The following TMEM150B variants were observed in gnomAD, a reference collection of about 807,000 sequenced individuals.
TMEM150B encodes the protein modulator of macroautophagy TMEM150B.
Under a neutral mutation model 25.2 loss-of-function variants are expected in TMEM150B, and 33 were observed. The ratio of observed to expected loss-of-function variants is 1.31; its 90% CI spans 0.99 to 1.75. TMEM150B has a LOEUF of 1.75. TMEM150B is among the 40% of genes most tolerant of loss of function. The pLI, the probability that TMEM150B is intolerant of heterozygous loss-of-function variation, is 0.00. For synonymous variants in TMEM150B, 133 were observed against 134.8 expected, an observed-to-expected ratio of 0.99 and a Z score of 0.09; for missense variants, 322 against 306.1, an observed-to-expected ratio of 1.05 and a Z score of -0.39.
chr19:55,319,313 G>A (rs1369859252), intron 6 of TMEM150B, among the ~76,000 whole-genome samples: 2 of 150,590 alleles, frequency 1.3e-5, no homozygotes, highest in South Asian at 2.1e-4. Context: ...GGGTTTTACC[G>A]TGTTGGCCAG....
intron 1 of TMEM150B, chr19:55,324,751 C>G (rs2089292103): frequency 1.0e-6 from 1 of 985,376 alleles, no homozygotes; most frequent in Non-Finnish European, 1.2e-6. Context: ...ACCCCTTCTG[C>G]TGCCAAATGC....
chr19:55,314,615 A>G (rs2088935312), intron 7 of TMEM150B, among the ~76,000 whole-genome samples: 1 of 152,022 alleles, frequency 6.6e-6, no homozygotes, highest in Admixed American at 6.6e-5. Context: ...ACCCCACCCA[A>G]GAGACTACTG....
chr19:55,312,114 C>T (rs1031400818), downstream of TMEM150B: 7 of 830,046 alleles, frequency 8.4e-6, no homozygotes, highest in African/African-American at 7.2e-5. Context: ...ACCCCCCTTC[C>T]GTGCCCCCCA....
At position 55,312,849 on chromosome 19, in the gene TMEM150B, A is replaced by C; in HGVS notation, c.*10T>G. On this transcript the variant is annotated 3_prime_UTR_variant, in exon 8 of 8. Transcript: ENST00000326652. The stretch of plus-strand genomic sequence containing the variant: ...CACTGGTGAGGGCAAGGCCCGGGTC[A>C]GGGTGCCTGCTACAGCTGGACCGGC... 1.3e-6 allele frequency: 2 copies of C among 1,573,942 alleles called. No individual in the cohort carries two copies. Among genetic ancestry groups the C allele is most frequent in the Non-Finnish European group, 1.7e-6 (2 of 1,161,180 alleles).
chr19:55,314,564 C>G (rs376449394), intron 7 of TMEM150B, among the ~76,000 whole-genome samples: 4 of 152,134 alleles, frequency 2.6e-5, no homozygotes, highest in African/African-American at 9.7e-5. Context: ...CCATCCCTTA[C>G]GACACTCAGC....
chr19:55,324,952 T>G (rs1600239060), intron 1 of TMEM150B: 1 of 895,186 alleles, frequency 1.1e-6, no homozygotes, highest in Non-Finnish European at 1.3e-6. Flanking sequence ...GAGGGAGGGG[T>G]CCATGCTACC....
chr19:55,316,283 A>C, intron 7 of TMEM150B, among the ~76,000 whole-genome samples: 1 of 152,170 alleles, frequency 6.6e-6, no homozygotes, highest in African/African-American at 2.4e-5. Context: ...GCAGCCTATC[A>C]CCAGCTCCAT....
rs192586608 is a variant in TMEM150B, at chr19:55,321,061, G to C, written c.-25C>G. On this transcript the variant is annotated 5_prime_UTR_variant, in exon 3 of 8. Transcript: ENST00000326652. Reference sequence around the variant, plus strand: ...TGCCGGGCTCTGCAGGTGAAGGATCGGGGCTGAGGCTGGACACCTGTCTCT... The same window carrying C: ...TGCCGGGCTCTGCAGGTGAAGGATCCGGGCTGAGGCTGGACACCTGTCTCT... 1.4e-5 allele frequency: 23 copies of C among 1,606,470 alleles called. No individual in the cohort carries two copies. The Admixed American group carries it at 3.6e-4, about 25-fold the overall frequency.
chr19:55,311,674 G>A (rs1227778525), downstream of TMEM150B, among the ~76,000 whole-genome samples: 1 of 152,184 alleles, frequency 6.6e-6, no homozygotes, highest in East Asian at 1.9e-4. Flanking sequence ...CAGGGTTGCA[G>A]GGGGCATAGG....
rs201889004 is a variant in TMEM150B at position 55,321,042 on chromosome 19, G to T, written c.-6C>A. The T allele has an allele frequency of 4.6e-4, 744 of 1,613,174 alleles. No individual in the cohort carries two copies. The African/African-American group carries it at 8.9e-3, about 19-fold the overall frequency. The stretch of plus-strand genomic sequence containing the variant: ...AGCGACAGGTAGCCCCACATGCCGG[G>T]CTCTGCAGGTGAAGGATCGGGGCTG... On this transcript the variant is annotated 5_prime_UTR_variant, in exon 3 of 8. Coordinates refer to ENST00000326652, the MANE Select transcript of TMEM150B (RefSeq NM_001282011.2).
intron 6 of TMEM150B, among the ~76,000 whole-genome samples, chr19:55,317,934 C>T (rs913912232): frequency 6.6e-5 from 10 of 151,708 alleles, no homozygotes; most frequent in Admixed American, 3.9e-4. Context: ...GCCTGGGCAA[C>T]GGAGCAAGAT....
rs1470094711 is a variant in TMEM150B, at chr19:55,312,812, T to G, written c.*47A>C. On this transcript the variant is annotated 3_prime_UTR_variant, in exon 8 of 8. Coordinates refer to ENST00000326652, the MANE Select transcript of TMEM150B (RefSeq NM_001282011.2). ...GTGCGGGGCACTGGGATTGGCCCCATCTTTCCTGCTTCACTGGTGAGGGCA... is the reference window on the plus strand; with the variant it reads ...GTGCGGGGCACTGGGATTGGCCCCAGCTTTCCTGCTTCACTGGTGAGGGCA... The G allele has an allele frequency of 6.6e-7, 1 of 1,521,370 alleles. No homozygotes were observed. The highest frequency in any genetic ancestry group is 8.9e-7 in the Non-Finnish European group (1 of 1,129,234). 94.2% of individuals were successfully genotyped at this position (1,521,370 alleles called of 1,614,324 possible).
chr19:55,311,546 G>T (rs942071111), downstream of TMEM150B, among the ~76,000 whole-genome samples: 1 of 152,154 alleles, frequency 6.6e-6, no homozygotes, highest in Non-Finnish European at 1.5e-5. Context: ...GGCCCCTCTT[G>T]CTGTGAACGT....
Position 55,316,834 on chromosome 19 carries a change from G to A in TMEM150B, c.457C>T (p.Pro153Ser). The A allele has an allele frequency of 1.3e-6, 2 of 1,585,566 alleles. No individual in the cohort carries two copies. The highest frequency in any genetic ancestry group is 1.7e-6 in the Non-Finnish European group (2 of 1,170,494). ...ACGCTGCAGAGGCCCAGGCGGAGGG[G>A]CCCAATCCAGGCAGCCCCGGGCTGG... is the stretch of plus-strand genomic sequence containing the variant. Reference protein sequence around the residue: ...LPQPGAAWIGPLRLGLCSVCT... With the variant: ...LPQPGAAWIGSLRLGLCSVCT... Residue 153 changes from proline to serine, a missense_variant, in exon 7 of 8, where the codon CCC becomes TCC. By Grantham distance (74) the Pro-to-Ser change is moderately conservative. Transcript: ENST00000326652.
chr19:55,324,934 G>C, intron 1 of TMEM150B: 9 of 963,456 alleles, frequency 9.3e-6, no homozygotes, highest in African/African-American at 1.8e-5. Flanking sequence ...CTATGAGGGA[G>C]CCCAGGGGAG....
rs374830310 is a variant in TMEM150B at position 55,320,088 on chromosome 19, C to T, written c.275G>A (p.Trp92Ter). ...VRRWPNQLIL[W>*]TGLLCALGTS... is the part of the protein sequence containing the mutation. ...GCCCAGGGCACACAGAAGACCCGTC[C>T]ATAGGATCAGCTGGTTAGGCCACCT... Residue 92 changes from tryptophan (W) to a stop codon, truncating the protein, a stop_gained, in exon 6 of 8, where the codon TGG (tryptophan) becomes TAG (stop). Transcript: ENST00000326652. LOFTEE classifies it high-confidence loss of function. The T allele has an allele frequency of 2.0e-5, 32 of 1,614,008 alleles. No homozygotes were observed. The highest frequency in any genetic ancestry group is 1.6e-4 in the Middle Eastern group (1 of 6,084).
At chr19:55,317,475 G>A (rs775125264) in intron 6 of TMEM150B, among the ~76,000 whole-genome samples, 5 of 151,872 alleles carry the variant, frequency 3.3e-5, no homozygotes, top group Non-Finnish European at 5.9e-5. Flanking sequence ...GCAAAACCTC[G>A]TCTCTACAAA....
At chr19:55,319,427 CTTCTTCTT>C (rs2089119186) in intron 6 of TMEM150B, 1 of 79,564 alleles carries the variant, frequency 1.3e-5, no homozygotes. Context: ...ATTTCATCTT[CTTCTTCTT>C]TTTTTTTTTT....
At chr19:55,317,846 A>T (rs28875253) in intron 6 of TMEM150B, among the ~76,000 whole-genome samples, 2 of 150,398 alleles carry the variant, frequency 1.3e-5, no homozygotes, top group South Asian at 4.2e-4. Flanking sequence ...CCAGCTACTC[A>T]GGAGGCTGAG....
Sources: gnomAD v4.1 joint callset for allele counts (sites outside exome capture counted in the v4.1 genomes callset) on GRCh38, gnomAD v4.1.1 for gene constraint, MANE v1.5 for transcripts, NCBI Gene and HGNC (gene_info 2026-07-23, HGNC 2026-07-21) for gene names.